The following UNC5C variants were observed in gnomAD, a reference collection of about 807,000 sequenced individuals.
UNC5C encodes unc-5 netrin receptor C, also known as netrin receptor UNC5C.
UNC5C carries 47 observed loss-of-function variants against 99.8 expected under a neutral mutation model. The observed-to-expected ratio is 0.47, with a 90% CI of 0.37 to 0.60. The LOEUF (loss-of-function observed/expected upper bound fraction) is 0.60. Among genes scored for constraint, UNC5C ranks in the 20% least tolerant of loss-of-function variants. The probability of loss-of-function intolerance (pLI) is 0.00; values close to 1 mark genes in which losing one functional copy is unlikely to be tolerated. For synonymous variants in UNC5C, 487 were observed against 452.2 expected (o/e 1.08, Z -0.98); for missense variants, 1,062 against 1,165.9 (o/e 0.91, Z 1.30).
intron 6 of UNC5C, among the ~76,000 whole-genome samples, chr4:95,243,690 G>C (rs560728292): frequency 2.0e-5 from 3 of 152,036 alleles, no homozygotes; most frequent in African/African-American, 7.2e-5. Context: ...GTATAATGTG[G>C]ATATGGTTAT....
At chr4:95,446,336 T>C (rs965823499) in intron 1 of UNC5C, among the ~76,000 whole-genome samples, 3 of 152,014 alleles carry the variant, frequency 2.0e-5, no homozygotes, top group African/African-American at 7.3e-5. Context: ...CCACGGAAAA[T>C]GAGCATTCCA....
At chr4:95,418,245 T>C (rs1746224986) in intron 1 of UNC5C, among the ~76,000 whole-genome samples, 3 of 152,244 alleles carry the variant, frequency 2.0e-5, no homozygotes, top group Non-Finnish European at 2.9e-5. Context: ...ATAATTTACA[T>C]TTCAAAGCAA....
intron 8 of UNC5C, 49 bp from the exon 9 acceptor site, chr4:95,219,362 A>G (rs1262759148): frequency 4.5e-6 from 7 of 1,557,924 alleles, no homozygotes; most frequent in Non-Finnish European, 6.1e-6. Flanking sequence ...CATTCAGGCC[A>G]ACCTACATTA....
chr4:95,463,100 GC>G (rs1450199373), intron 1 of UNC5C, among the ~76,000 whole-genome samples: 2 of 152,132 alleles, frequency 1.3e-5, no homozygotes, highest in African/African-American at 4.8e-5. Flanking sequence ...TAAACACCGG[GC>G]TTTCATGTTG....
At chr4:95,523,675 A>G (rs1353384823) in intron 1 of UNC5C, among the ~76,000 whole-genome samples, 1 of 152,226 alleles carries the variant, frequency 6.6e-6, no homozygotes. Flanking sequence ...TTGAAAGAAC[A>G]AGATAATTAA....
intron 1 of UNC5C, among the ~76,000 whole-genome samples, chr4:95,488,873 C>T (rs755419156): frequency 1.1e-4 from 16 of 151,628 alleles, no homozygotes; most frequent in South Asian, 4.2e-4. Flanking sequence ...CACAACTATG[C>T]GTGCTCTCTA....
At chr4:95,258,085 C>T (rs2149385263) in intron 4 of UNC5C, among the ~76,000 whole-genome samples, 1 of 152,314 alleles carries the variant, frequency 6.6e-6, no homozygotes, top group Non-Finnish European at 1.5e-5. Flanking sequence ...ACTAAACTAA[C>T]ATTCTTCCAT....
rs1185111328 is a variant in UNC5C, at chr4:95,418,780, T to C, written c.125-83149A>G. ...AAATATCCAACTTTCTTTAGAAAGA[T>C]GATAAACAATTACAGAGAAGTCCCT... On this transcript the variant is annotated intron_variant, in intron 1 of 15. Coordinates refer to ENST00000453304, the MANE Select transcript of UNC5C (RefSeq NM_003728.4). Among the ~76,000 whole-genome samples the C allele has an allele frequency of 6.6e-5, 10 of 152,354 alleles. No individual in the cohort carries two copies. In the South Asian group the frequency reaches 1.7e-3, roughly 25 times the overall value.
chr4:95,335,331 G>T, intron 2 of UNC5C, 79 bp downstream of exon 2: 1 of 1,288,200 alleles, frequency 7.8e-7, no homozygotes, highest in South Asian at 1.6e-5. Flanking sequence ...TCCACTAATT[G>T]AAATAACAGT....
At chr4:95,220,325 C>T (rs1738425933) in intron 7 of UNC5C, 149 bp from the exon 8 acceptor site, 3 of 783,244 alleles carry the variant, frequency 3.8e-6, no homozygotes, top group East Asian at 2.8e-5. Flanking sequence ...ATGGCTGTGG[C>T]CTTTCAGTGG....
intron 1 of UNC5C, among the ~76,000 whole-genome samples, chr4:95,377,894 C>T (rs144880111): frequency 4.5e-4 from 69 of 152,170 alleles, no homozygotes; most frequent in Non-Finnish European, 8.1e-4. Flanking sequence ...CATATGTTCG[C>T]GGTATTCTGA....
intron 3 of UNC5C, among the ~76,000 whole-genome samples, chr4:95,291,360 G>T (rs978140670): frequency 1.3e-5 from 2 of 152,150 alleles, no homozygotes; most frequent in African/African-American, 4.8e-5. Context: ...AAAAAAGAAT[G>T]CAATGATTGC....
At chr4:95,241,815 T>C (rs981187834) in intron 7 of UNC5C, among the ~76,000 whole-genome samples, 2 of 152,200 alleles carry the variant, frequency 1.3e-5, no homozygotes, top group Admixed American at 6.5e-5. Flanking sequence ...ATCTAGCTTA[T>C]AGCACCCATT....
chr4:95,470,536 T>C (rs1012056129), intron 1 of UNC5C, among the ~76,000 whole-genome samples: 8 of 151,982 alleles, frequency 5.3e-5, no homozygotes, highest in African/African-American at 1.9e-4. Context: ...TGAGTAGCTC[T>C]AGTGTTGGGG....
At chr4:95,468,998 C>G (rs1747884229) in intron 1 of UNC5C, among the ~76,000 whole-genome samples, 1 of 152,074 alleles carries the variant, frequency 6.6e-6, no homozygotes, top group African/African-American at 2.4e-5. Flanking sequence ...TGATGTTTTT[C>G]TTTTTCCTTC....
rs1424723362 is a variant in UNC5C at position 95,494,890 on chromosome 4, T to C, written c.124+53844A>G. 2.0e-5 allele frequency among the ~76,000 whole-genome samples: 3 copies of C among 151,436 alleles called. No individual in the cohort carries two copies. The East Asian group carries it at 5.8e-4, about 29-fold the overall frequency. On this transcript the variant is annotated intron_variant, in intron 1 of 15. Coordinates refer to ENST00000453304, the MANE Select transcript of UNC5C (RefSeq NM_003728.4). ...TTGAAAACATTAATTGGGGAAAAACTGATTTCATGATAAATTTTAATAACA... is the reference window on the plus strand; with the variant it reads ...TTGAAAACATTAATTGGGGAAAAACCGATTTCATGATAAATTTTAATAACA...
intron 1 of UNC5C, among the ~76,000 whole-genome samples, chr4:95,463,338 G>C (rs1747665143): frequency 6.6e-6 from 1 of 152,152 alleles, no homozygotes; most frequent in Non-Finnish European, 1.5e-5. Flanking sequence ...GTCGTGGTAA[G>C]AGCAGTCTCA....
chr4:95,396,212 A>G (rs1745504416), intron 1 of UNC5C, among the ~76,000 whole-genome samples: 1 of 152,194 alleles, frequency 6.6e-6, no homozygotes, highest in Non-Finnish European at 1.5e-5. Flanking sequence ...CATAGATATC[A>G]GAACACATGA....
intron 1 of UNC5C, among the ~76,000 whole-genome samples, chr4:95,538,823 A>G (rs182006029): frequency 7.7e-4 from 118 of 152,324 alleles, no homozygotes; most frequent in Non-Finnish European, 1.4e-3. Flanking sequence ...AAGGAAGCAT[A>G]TATCACTATA....
Sources: allele counts gnomAD v4.1 joint callset (sites outside exome capture counted in the v4.1 genomes callset), GRCh38; gene constraint gnomAD v4.1.1; transcripts MANE v1.5; gene names NCBI Gene and HGNC (gene_info 2026-07-23, HGNC 2026-07-21).